Variants in RPS14 observed in about 807,000 individuals in gnomAD.
RPS14 encodes the protein small ribosomal subunit protein uS11.
A neutral mutation model predicts 15.4 loss-of-function variants in RPS14; 1 was observed. That is an observed-to-expected ratio of 0.07 (90% CI 0.02 to 0.31). RPS14 has a LOEUF of 0.31. Among genes scored for constraint, RPS14 ranks in the 10% least tolerant of loss-of-function variants. RPS14 has a pLI of 1.00. For synonymous variants in RPS14, 68 were observed against 74.4 expected (o/e 0.91, Z 0.44); for missense variants, 69 against 205.5 (o/e 0.34, Z 4.06).
In RPS14 at chr5:150,444,337, G is replaced by C. The variant is rs754166464; in HGVS notation, c.405C>G (p.Ile135Met). ...KIGRIEDVTP[I>M]PSDSTRRKGG... ...CCTTCCTGCGAGTGCTGTCAGAGGG[G>C]ATGGGGGTGACATCCTCTGTGGGGA... Residue 135 changes from isoleucine to methionine, a missense_variant, in exon 5 of 5, where the codon ATC (isoleucine) becomes ATG (methionine). Ile to Met is a conservative substitution (Grantham distance 10, BLOSUM62 1). Transcript: ENST00000407193. 1.9e-6 allele frequency: 3 copies of C among 1,611,632 alleles called. No individual in the cohort carries two copies. Among genetic ancestry groups the C allele is most frequent in the Admixed American group, 1.7e-5 (1 of 59,916 alleles).
rs756454581 is a variant in RPS14, at chr5:150,446,541, G to C, written c.311+261C>G. Reference sequence around the variant, plus strand: ...AAAGTCTGACTCTCCCACCAGCCTCGGTCCCACACAAGGAGGGTAGAGACC... The same window carrying C: ...AAAGTCTGACTCTCCCACCAGCCTCCGTCCCACACAAGGAGGGTAGAGACC... On this transcript the variant is annotated intron_variant, in intron 3 of 4. Transcript: ENST00000407193. The surrounding 1 kb of genome is among the most constrained non-coding windows in gnomAD (Gnocchi z 4.2). 1.3e-5 allele frequency among the ~76,000 whole-genome samples: 2 copies of C among 151,988 alleles called. No individual in the cohort carries two copies. The highest frequency in any genetic ancestry group is 2.9e-5 in the Non-Finnish European group (2 of 67,994).
rs1218754071 is a variant in RPS14 at position 150,442,637 on chromosome 5, CATT to C, written c.*1646_*1648del. The C allele has an allele frequency of 2.6e-5, 4 of 152,212 alleles. No homozygotes were observed. The highest frequency in any genetic ancestry group is 2.0e-4 in the Admixed American group (3 of 15,286). 9.4% of individuals were successfully genotyped at this position (152,212 alleles called of 1,614,324 possible). A position where few individuals can be genotyped will look rare whatever the true frequency, so the allele number is the denominator to read the frequency against. The stretch of plus-strand genomic sequence containing the variant: ...TGCCAAAAGTAGGAAACCACTGGTA[CATT>C]ACTACTAGCTTTATTCCAGACTTTA... On this transcript the variant is annotated 3_prime_UTR_variant, in exon 5 of 5. Transcript: ENST00000407193.
intron 2 of RPS14, chr5:150,447,293 C>G: frequency 1.9e-6 from 1 of 531,930 alleles, no homozygotes; most frequent in Non-Finnish European, 3.3e-6. Flanking sequence ...GAACCCGCAC[C>G]CAGAGCCCAC....
rs1484933062 is a variant in RPS14 at position 150,446,189 on chromosome 5, C to T, written c.312-504G>A. Among the ~76,000 whole-genome samples the T allele has an allele frequency of 2.6e-5, 4 of 152,094 alleles. No individual in the cohort carries two copies. The highest frequency in any genetic ancestry group is 4.1e-4 in the South Asian group (2 of 4,826). On this transcript the variant is annotated intron_variant, in intron 3 of 4. Coordinates refer to ENST00000407193, the MANE Select transcript of RPS14 (RefSeq NM_005617.4). This position sits in a 1 kb window ranked among gnomAD's most constrained non-coding sequence, Gnocchi z 4.2. ...TTCTGACCACTGTCTGGCTTGTTCA[C>T]GCAACAGTCATCTATTTCAGCTTTC...
Position 150,449,711 on chromosome 5 carries a change from C to A in RPS14, c.-11G>T, listed in dbSNP as rs1469628813. On this transcript the variant is annotated 5_prime_UTR_variant, in exon 1 of 5. Transcript: ENST00000407193. Reference sequence around the variant, plus strand: ...GCGCCCGGGCCTCCTACCTGCACGTCGTCTCCAGACTCCACACCGGAAAGA... The same window carrying A: ...GCGCCCGGGCCTCCTACCTGCACGTAGTCTCCAGACTCCACACCGGAAAGA... 2.0e-5 allele frequency: 3 copies of A among 152,290 alleles called. No individual in the cohort carries two copies. Among genetic ancestry groups the A allele is most frequent in the East Asian group, 3.8e-4 (2 of 5,206 alleles). The allele number at this position is 152,290 out of a possible 1,614,324, so 9.4% of individuals were successfully genotyped here.
At position 150,444,412 on chromosome 5, in the gene RPS14, C is replaced by T. The variant is rs1288114538; in HGVS notation, c.389-59G>A. The T allele has an allele frequency of 2.1e-6, 3 of 1,431,384 alleles. 1 individual carries two copies. Among genetic ancestry groups the T allele is most frequent in the Middle Eastern group, 3.6e-4 (2 of 5,598 alleles). The allele number at this position is 1,431,384 out of a possible 1,614,324, so 88.7% of individuals were successfully genotyped here. Reference sequence around the variant, plus strand: ...AGCTGGATGGGAAGGGCCCCCAGGACTCCCTAGACCAATGGCCTAACCAAT... The same window carrying T: ...AGCTGGATGGGAAGGGCCCCCAGGATTCCCTAGACCAATGGCCTAACCAAT... On this transcript the variant is annotated intron_variant, in intron 4 of 4. Coordinates refer to ENST00000407193, the MANE Select transcript of RPS14 (RefSeq NM_005617.4).
chr5:150,446,972 A>C lies in RPS14; in HGVS notation c.150-9T>G. The C allele has an allele frequency of 6.2e-7, 1 of 1,613,966 alleles. No individual in the cohort carries two copies. Among genetic ancestry groups the C allele is most frequent in the East Asian group, 2.2e-5 (1 of 44,882 alleles). On this transcript the variant is annotated splice_polypyrimidine_tract_variant and intron_variant, in intron 2 of 4. Coordinates refer to ENST00000407193, the MANE Select transcript of RPS14 (RefSeq NM_005617.4). The surrounding 1 kb of genome is among the most constrained non-coding windows in gnomAD (Gnocchi z 4.2). ...CACGGCAGATGGTTTCCCTGGGGAC[A>C]AAAGCACAGGGTCATTTCTTCCTCG...
At position 150,442,669 on chromosome 5, in the gene RPS14, CCA is replaced by C. The variant is rs1770969841; in HGVS notation, c.*1615_*1616del. On this transcript the variant is annotated 3_prime_UTR_variant, in exon 5 of 5. Transcript: ENST00000407193. ...ACTAGCTTTATTCCAGACTTTAACTCCAGACTTTATTCATATTTTTTAATTTA... is the reference window on the plus strand; with the variant it reads ...ACTAGCTTTATTCCAGACTTTAACTCGACTTTATTCATATTTTTTAATTTA... 1 of 152,054 alleles carries C rather than the reference CCA, an allele frequency of 6.6e-6. No individual in the cohort carries two copies. Among genetic ancestry groups the C allele is most frequent in the Non-Finnish European group, 1.5e-5 (1 of 68,010 alleles). 9.4% of individuals were successfully genotyped at this position (152,054 alleles called of 1,614,324 possible).
In RPS14 at chr5:150,444,526, G is replaced by A. The variant is rs563562285; in HGVS notation, c.389-173C>T. ...AAGTGGCCCCATCTGCCAGTTCCTC[G>A]AATTTCCTGACGTGGTCTTAACTCA... On this transcript the variant is annotated intron_variant, in intron 4 of 4. Coordinates refer to ENST00000407193, the MANE Select transcript of RPS14 (RefSeq NM_005617.4). The A allele has an allele frequency of 6.2e-5, 42 of 675,484 alleles. No homozygotes were observed. In the East Asian group the frequency reaches 8.5e-4, roughly 14 times the overall value. The allele number at this position is 675,484 out of a possible 1,614,324, so 41.8% of individuals were successfully genotyped here. A position where few individuals can be genotyped will look rare whatever the true frequency, so the allele number is the denominator to read the frequency against.
In RPS14 at chr5:150,446,770, T is replaced by C. The variant is rs1187297453; in HGVS notation, c.311+32A>G. 1.2e-6 allele frequency: 2 copies of C among 1,603,056 alleles called. No individual in the cohort carries two copies. The highest frequency in any genetic ancestry group is 1.7e-6 in the Non-Finnish European group (2 of 1,173,720). ...CAGCACCCAAGCCCAGCAGGTTTTC[T>C]ACCACCCAGCCATCCCCTCTGCGAC... On this transcript the variant is annotated intron_variant, in intron 3 of 4. Coordinates refer to ENST00000407193, the MANE Select transcript of RPS14 (RefSeq NM_005617.4). This position sits in a 1 kb window ranked among gnomAD's most constrained non-coding sequence, Gnocchi z 4.2.
At position 150,446,976 on chromosome 5, in the gene RPS14, G is replaced by C. The variant is rs755820054; in HGVS notation, c.150-13C>G. 1 of 1,613,708 alleles carries C rather than the reference G, an allele frequency of 6.2e-7. No homozygotes were observed. The highest frequency in any genetic ancestry group is 8.5e-7 in the Non-Finnish European group (1 of 1,179,862). On this transcript the variant is annotated splice_polypyrimidine_tract_variant and intron_variant, in intron 2 of 4. Transcript: ENST00000407193. The surrounding 1 kb of genome is among the most constrained non-coding windows in gnomAD (Gnocchi z 4.2). ...GCAGATGGTTTCCCTGGGGACAAAA[G>C]CACAGGGTCATTTCTTCCTCGTCCA... is the stretch of plus-strand genomic sequence containing the variant.
At chr5:150,445,490 C>T (rs1158356892) in intron 4 of RPS14, 119 bp downstream of exon 4, 3 of 944,106 alleles carry the variant, frequency 3.2e-6, no homozygotes, top group Non-Finnish European at 3.5e-6. Flanking sequence ...CCTCCCTTAA[C>T]AAACTTAACT....
Position 150,446,952 on chromosome 5 carries a change from C to T in RPS14, c.161G>A (p.Cys54Tyr). 6.2e-7 allele frequency: 1 copy of T among 1,614,146 alleles called. No homozygotes were observed. Among genetic ancestry groups the T allele is most frequent in the Non-Finnish European group, 8.5e-7 (1 of 1,180,000 alleles). Reference protein sequence around the residue: ...VTDLSGKETICRVTGGMKVKA... With the variant: ...VTDLSGKETIYRVTGGMKVKA... Reference sequence around the variant, plus strand: ...TACCTTCATCCCACCAGTCACACGGCAGATGGTTTCCCTGGGGACAAAAGC... The same window carrying T: ...TACCTTCATCCCACCAGTCACACGGTAGATGGTTTCCCTGGGGACAAAAGC... The change falls in exon 3 of 5, where the codon TGC becomes TAC. Residue 54 changes from cysteine (C) to tyrosine (Y), a missense_variant. Transcript: ENST00000407193. The surrounding 1 kb of genome is among the most constrained non-coding windows in gnomAD (Gnocchi z 4.2).
chr5:150,446,879 G>T lies in RPS14; in HGVS notation c.234C>A (p.Ala78=). The change falls in exon 3 of 5, where the codon GCC becomes GCA. Residue 78 remains alanine (A), a synonymous_variant. Coordinates refer to ENST00000407193, the MANE Select transcript of RPS14 (RefSeq NM_005617.4). This position sits in a 1 kb window ranked among gnomAD's most constrained non-coding sequence, Gnocchi z 4.2. Reference sequence around the variant, plus strand: ...CCTTGCACCTCTGGGCCACATCCTGGGCAGCCAACATAGCAGCATATGGTG... The same window carrying T: ...CCTTGCACCTCTGGGCCACATCCTGTGCAGCCAACATAGCAGCATATGGTG... ...ESSPYAAMLA[A]QDVAQRCKEL... 6.2e-7 allele frequency: 1 copy of T among 1,614,110 alleles called. No individual in the cohort carries two copies. The highest frequency in any genetic ancestry group is 8.5e-7 in the Non-Finnish European group (1 of 1,180,022).
intron 4 of RPS14, 105 bp downstream of exon 4, chr5:150,445,504 A>G (rs762423921): frequency 8.9e-7 from 1 of 1,122,284 alleles, no homozygotes; most frequent in East Asian, 2.4e-5. Context: ...CTTAACTGCC[A>G]AAAGTGACCA....
Position 150,444,278 on chromosome 5 carries a change from A to C in RPS14, c.*8T>G. On this transcript the variant is annotated 3_prime_UTR_variant, in exon 5 of 5. Coordinates refer to ENST00000407193, the MANE Select transcript of RPS14 (RefSeq NM_005617.4). ...TTTATTAACAGAAAATATTTTGAGGAATCTTGTTCACAGACGGCGACCACG... is the reference window on the plus strand; with the variant it reads ...TTTATTAACAGAAAATATTTTGAGGCATCTTGTTCACAGACGGCGACCACG... The C allele has an allele frequency of 6.2e-7, 1 of 1,606,640 alleles. No individual in the cohort carries two copies. Among genetic ancestry groups the C allele is most frequent in the Non-Finnish European group, 8.5e-7 (1 of 1,175,612 alleles).
At chr5:150,444,747 G>A (rs925406787) in intron 4 of RPS14, 27 of 417,730 alleles carry the variant, frequency 6.5e-5, no homozygotes, top group African/African-American at 2.4e-4. Flanking sequence ...GGCTGGGCGC[G>A]GTGGCTCATG....
intron 1 of RPS14, chr5:150,447,964 C>A: frequency 2.0e-6 from 1 of 499,594 alleles, no homozygotes. Context: ...ATCCTTTCCC[C>A]AGAAACTACC....
intron 2 of RPS14, 82 bp from the exon 3 acceptor site, chr5:150,447,045 G>T: frequency 6.6e-7 from 1 of 1,512,956 alleles, no homozygotes; most frequent in Non-Finnish European, 9.0e-7. Flanking sequence ...GAGCAACACA[G>T]CTCAGTCATG....
Sources: gnomAD v4.1 joint callset for allele counts (sites outside exome capture counted in the v4.1 genomes callset) on GRCh38, gnomAD v4.1.1 for gene constraint, Gnocchi (gnomAD v3.1) non-coding constraint, MANE v1.5 for transcripts, NCBI Gene and HGNC (gene_info 2026-07-23, HGNC 2026-07-21) for gene names.